Variants in HRH1 observed in about 807,000 individuals in gnomAD.
HRH1 encodes the protein histamine receptor H1.
Under a neutral mutation model 10.3 loss-of-function variants are expected in HRH1, and 6 were observed. The observed-to-expected ratio is 0.58, with a 90% CI of 0.32 to 1.15. The LOEUF is 1.15. HRH1 is among the 50% of genes most tolerant of loss of function. The pLI is 0.05. For missense variants in HRH1, 514 were observed against 615.3 expected, an observed-to-expected ratio of 0.84 and a Z score of 1.74; for synonymous variants, 242 against 236.7, an observed-to-expected ratio of 1.02 and a Z score of -0.21.
chr3:11,170,744 C>A (rs150319461), intron 1 of HRH1, among the ~76,000 whole-genome samples: 1 of 152,176 alleles, frequency 6.6e-6, no homozygotes, highest in Admixed American at 6.5e-5. Context: ...GGGAAAGCCC[C>A]CTGGAGGATG....
At chr3:11,204,112 A>T (rs1354828512) in intron 1 of HRH1, among the ~76,000 whole-genome samples, 2 of 152,182 alleles carry the variant, frequency 1.3e-5, no homozygotes, top group Non-Finnish European at 2.9e-5. Context: ...CACCATAAGG[A>T]TGAGATTATG....
At chr3:11,182,314 C>A (rs928525477) in intron 1 of HRH1, among the ~76,000 whole-genome samples, 1 of 152,102 alleles carries the variant, frequency 6.6e-6, no homozygotes, top group Non-Finnish European at 1.5e-5. Flanking sequence ...GGATATTGCC[C>A]CTTATCAGAT....
chr3:11,142,333 G>C (rs1279784532), intron 1 of HRH1, among the ~76,000 whole-genome samples: 1 of 152,208 alleles, frequency 6.6e-6, no homozygotes, highest in African/African-American at 2.4e-5. Flanking sequence ...CTTATTTGCA[G>C]AATTGCCTAA....
chr3:11,247,782 G>A (rs561841478), intron 1 of HRH1, among the ~76,000 whole-genome samples: 4 of 152,226 alleles, frequency 2.6e-5, no homozygotes, highest in East Asian at 3.9e-4. Context: ...GTTGTTCTTG[G>A]GTGTCAAGAA....
chr3:11,138,371 G>A (rs9875334), intron 1 of HRH1, among the ~76,000 whole-genome samples: 45,222 of 151,704 alleles, frequency 0.3, 7,261 homozygotes, highest in Admixed American at 0.46. Context: ...AAACAACCCA[G>A]CCAAAAAATG....
chr3:11,184,163 A>G (rs980438450), intron 1 of HRH1, among the ~76,000 whole-genome samples: 32 of 152,126 alleles, frequency 2.1e-4, no homozygotes, highest in African/African-American at 7.7e-4. Context: ...TTCCACCTCC[A>G]ACTCAAATCT....
chr3:11,152,213 T>C (rs1227761054), upstream of HRH1, among the ~76,000 whole-genome samples: 2 of 152,206 alleles, frequency 1.3e-5, no homozygotes, highest in African/African-American at 4.8e-5. Context: ...ATTATTTATG[T>C]AAAGCTCTTA....
chr3:11,211,553 T>C (rs1452912701), intron 1 of HRH1, among the ~76,000 whole-genome samples: 1 of 152,222 alleles, frequency 6.6e-6, no homozygotes, highest in Non-Finnish European at 1.5e-5. Context: ...TCTCCAGCTG[T>C]GGCTTGTATC....
chr3:11,214,854 A>G (rs917024089), intron 1 of HRH1, among the ~76,000 whole-genome samples: 4 of 152,214 alleles, frequency 2.6e-5, no homozygotes, highest in African/African-American at 9.7e-5. Context: ...GTGTGGATTT[A>G]GCAGGATAAA....
At chr3:11,176,897 G>A (rs978236036) in intron 1 of HRH1, among the ~76,000 whole-genome samples, 8 of 152,100 alleles carry the variant, frequency 5.3e-5, no homozygotes, top group South Asian at 2.1e-4. Flanking sequence ...GTTTGAGACC[G>A]GCCTGGCCAA....
intron 1 of HRH1, among the ~76,000 whole-genome samples, chr3:11,205,522 A>G (rs992498093): frequency 6.6e-6 from 1 of 152,206 alleles, no homozygotes; most frequent in Non-Finnish European, 1.5e-5. Context: ...AAAGGCTGCC[A>G]TGAGGCTGAA....
chr3:11,172,477 T>C (rs781615450), intron 1 of HRH1, among the ~76,000 whole-genome samples: 13 of 152,162 alleles, frequency 8.5e-5, no homozygotes, highest in Non-Finnish European at 1.0e-4. Context: ...GAACTGAGAA[T>C]AGAAATTGGA....
intron 1 of HRH1, among the ~76,000 whole-genome samples, chr3:11,236,340 A>G (rs1426590499): frequency 2.6e-5 from 4 of 152,208 alleles, no homozygotes; most frequent in Non-Finnish European, 5.9e-5. Context: ...GAGGCAGGAG[A>G]ATCACTTGAA....
intron 1 of HRH1, among the ~76,000 whole-genome samples, chr3:11,203,226 G>C (rs1171221408): frequency 6.6e-6 from 1 of 152,178 alleles, no homozygotes; most frequent in African/African-American, 2.4e-5. Context: ...CACTCGTGCA[G>C]ATTTTTGTGT....
intron 1 of HRH1, among the ~76,000 whole-genome samples, chr3:11,250,190 C>A (rs1283299913): frequency 1.3e-5 from 2 of 149,062 alleles, no homozygotes; most frequent in Non-Finnish European, 3.0e-5. Context: ...CTATAGGCGC[C>A]GCCACCACAC....
chr3:11,147,413 A>G (rs1180361337), intron 1 of HRH1, among the ~76,000 whole-genome samples: 2 of 152,156 alleles, frequency 1.3e-5, no homozygotes, highest in African/African-American at 4.8e-5. Context: ...TGAACATCCC[A>G]CTTTATAGAT....
intron 1 of HRH1, among the ~76,000 whole-genome samples, chr3:11,139,280 C>A (rs1936247513): frequency 7.0e-6 from 1 of 143,088 alleles, no homozygotes; most frequent in African/African-American, 2.6e-5. Context: ...AGCCGCCCGC[C>A]TTTTTTTTTT....
chr3:11,215,555 C>T (rs1938460845), intron 1 of HRH1, among the ~76,000 whole-genome samples: 1 of 152,226 alleles, frequency 6.6e-6, no homozygotes, highest in Admixed American at 6.5e-5. Flanking sequence ...ATTCTCCTGC[C>T]TCAGCCTCCC....
chr3:11,142,456 T>C (rs6797244), intron 1 of HRH1, among the ~76,000 whole-genome samples: 10,930 of 152,258 alleles, frequency 0.072, 687 homozygotes, highest in African/African-American at 0.17. Context: ...AGAAACCCTG[T>C]GTTTGAGTCA....
Sources: gnomAD v4.1 joint callset for allele counts (sites outside exome capture counted in the v4.1 genomes callset) on GRCh38, gnomAD v4.1.1 for gene constraint, MANE v1.5 for transcripts, NCBI Gene and HGNC (gene_info 2026-07-23, HGNC 2026-07-21) for gene names.